Variants in ADAMTS9 observed in about 807,000 individuals in gnomAD.
The protein encoded by ADAMTS9 is ADAM metallopeptidase with thrombospondin type 1 motif 9.
Under a neutral mutation model 257.1 loss-of-function variants are expected in ADAMTS9, and 107 were observed. The ratio of observed to expected loss-of-function variants is 0.42; its 90% CI spans 0.36 to 0.49. The LOEUF is 0.49. ADAMTS9 is among the 20% of genes least tolerant of loss of function. ADAMTS9 has a pLI of 0.03. For missense variants in ADAMTS9, 2,353 were observed against 2,469.1 expected (o/e 0.95, Z 1.00); for synonymous variants, 982 against 880.9 (o/e 1.11, Z -2.03).
intron 16 of ADAMTS9, among the ~76,000 whole-genome samples, chr3:64,626,674 T>C (rs1700229071): frequency 6.6e-6 from 1 of 152,216 alleles, no homozygotes; most frequent in African/African-American, 2.4e-5. Flanking sequence ...CCTGTAGTCC[T>C]ACCCCTTAAA....
At chr3:64,643,445 A>ATTTTTTTTTTTTTTTTTTTTTTTTTTTTT (rs57471985) in intron 11 of ADAMTS9, among the ~76,000 whole-genome samples, 2 of 61,406 alleles carry the variant, frequency 3.3e-5, no homozygotes, top group African/African-American at 7.0e-5. Flanking sequence ...TTACTCAATA[A>ATTTTTTTTTTTTTTTTTTTTTTTTTTTTT]TTTTTTTTTT....
intron 38 of ADAMTS9, among the ~76,000 whole-genome samples, chr3:64,524,115 C>T (rs982492068): frequency 3.3e-5 from 5 of 152,172 alleles, no homozygotes; most frequent in Non-Finnish European, 5.9e-5. Flanking sequence ...CAGGAAATGT[C>T]TTCTCTATTA....
At position 64,604,246 on chromosome 3, in the gene ADAMTS9, C is replaced by T. The variant is rs749055050; in HGVS notation, c.3560G>A (p.Arg1187Gln). The change falls in exon 24 of 40, where the codon CGA becomes CAA. Residue 1187 changes from arginine to glutamine, a missense_variant. Coordinates refer to ENST00000498707, the MANE Select transcript of ADAMTS9 (RefSeq NM_182920.2). Reference protein sequence around the residue: ...STYSAPRTQWRFGSWTPCSAT... With the variant: ...STYSAPRTQWQFGSWTPCSAT... Reference sequence around the variant, plus strand: ...TCTTACTGGGGTCCAAGACCCAAATCGCCACTGGGTTCTTGGTGCACTGTA... The same window carrying T: ...TCTTACTGGGGTCCAAGACCCAAATTGCCACTGGGTTCTTGGTGCACTGTA... 1.3e-5 allele frequency: 21 copies of T among 1,613,212 alleles called. No homozygotes were observed. Among genetic ancestry groups the T allele is most frequent in the African/African-American group, 2.7e-5 (2 of 74,846 alleles).
At chr3:64,631,345 T>C (rs1435192084) in intron 16 of ADAMTS9, 110 bp downstream of exon 16, 2 of 842,240 alleles carry the variant, frequency 2.4e-6, no homozygotes, top group Admixed American at 2.1e-5. Context: ...TTTATGAAAA[T>C]CCATGACATC....
Position 64,686,328 on chromosome 3 carries a change from A to T in ADAMTS9, c.516+240T>A, listed in dbSNP as rs1281278100. On this transcript the variant is annotated intron_variant, in intron 2 of 39. Coordinates refer to ENST00000498707, the MANE Select transcript of ADAMTS9 (RefSeq NM_182920.2). This position sits in a 1 kb window ranked among gnomAD's most constrained non-coding sequence, Gnocchi z 4.6. ...GCAACGCGCCGCTGAACCGAGTCCA[A>T]ACTCCAGAAAGCTCTGAAACATCCA... 1.3e-5 allele frequency among the ~76,000 whole-genome samples: 2 copies of T among 152,250 alleles called. No individual in the cohort carries two copies. Among genetic ancestry groups the T allele is most frequent in the Non-Finnish European group, 2.9e-5 (2 of 68,040 alleles).
At chr3:64,635,050 C>T (rs1700461409) in intron 12 of ADAMTS9, among the ~76,000 whole-genome samples, 1 of 152,028 alleles carries the variant, frequency 6.6e-6, no homozygotes, top group Admixed American at 6.6e-5. Context: ...TAGTAGATGC[C>T]ATAAAATGTT....
At chr3:64,590,337 C>T (rs2084238299) in intron 28 of ADAMTS9, among the ~76,000 whole-genome samples, 2 of 152,060 alleles carry the variant, frequency 1.3e-5, no homozygotes, top group Non-Finnish European at 2.9e-5. Context: ...TAAAATGTAT[C>T]TTTTTAAAAC....
In ADAMTS9 at chr3:64,568,527, G is replaced by A. The variant is rs752736289; in HGVS notation, c.4365C>T (p.Val1455=). The A allele has an allele frequency of 3.7e-6, 6 of 1,613,666 alleles. No individual in the cohort carries two copies. In the Admixed American group the frequency reaches 1.0e-4, roughly 27 times the overall value. Residue 1455 remains valine, a synonymous_variant, in exon 29 of 40, where the codon GTC becomes GTT. Transcript: ENST00000498707. ...WSTGPWSSCS[V]SCGRGHKQRN... is the part of the protein sequence containing the mutation. The stretch of plus-strand genomic sequence containing the variant: ...GTTGTTTATGCCCTCGACCACAAGA[G>A]ACAGAACACTGCAATATAAAGCAAT...
intron 28 of ADAMTS9, chr3:64,568,796 G>C: frequency 2.8e-6 from 1 of 363,512 alleles, no homozygotes; most frequent in Non-Finnish European, 4.9e-6. Flanking sequence ...CTGAGAATTG[G>C]AGCCAAAAAT....
intron 10 of ADAMTS9, 117 bp downstream of exon 10, chr3:64,649,520 T>G (rs1352911826): frequency 1.6e-6 from 2 of 1,231,758 alleles, no homozygotes; most frequent in South Asian, 1.6e-5. Context: ...ATATGCAATT[T>G]TACTCTCAGC....
intron 10 of ADAMTS9, among the ~76,000 whole-genome samples, chr3:64,648,398 A>G (rs1700848744): frequency 6.6e-6 from 1 of 152,140 alleles, no homozygotes; most frequent in African/African-American, 2.4e-5. Context: ...CACTTTTACT[A>G]CAAATGCATA....
intron 22 of ADAMTS9, among the ~76,000 whole-genome samples, chr3:64,611,529 G>A (rs1423858101): frequency 6.6e-6 from 1 of 152,146 alleles, no homozygotes; most frequent in Non-Finnish European, 1.5e-5. Context: ...CAGACTTTTG[G>A]GCACCCAGGA....
At chr3:64,527,996 C>T (rs4688476) in intron 38 of ADAMTS9, among the ~76,000 whole-genome samples, 8,715 of 152,268 alleles carry the variant, frequency 0.057, 1,125 homozygotes, top group Admixed American at 0.29. Context: ...TCTATGGTAA[C>T]ACAACTTTCG....
intron 32 of ADAMTS9, among the ~76,000 whole-genome samples, chr3:64,542,783 G>C (rs892998851): frequency 2.0e-5 from 3 of 152,064 alleles, no homozygotes; most frequent in South Asian, 2.1e-4. Context: ...AACTGAAGGA[G>C]ATAGAGACAC....
intron 11 of ADAMTS9, 82 bp downstream of exon 11, chr3:64,647,858 T>C (rs530479871): frequency 1.6e-6 from 2 of 1,213,468 alleles, no homozygotes; most frequent in African/African-American, 1.5e-5. Context: ...TCTTATATTC[T>C]AAACATCGGT....
chr3:64,550,592 T>A (rs2083258065), intron 31 of ADAMTS9: 1 of 355,776 alleles, frequency 2.8e-6, no homozygotes, highest in African/African-American at 2.1e-5. Flanking sequence ...CCTCACAGCA[T>A]CCTATGAGTT....
intron 19 of ADAMTS9, among the ~76,000 whole-genome samples, chr3:64,617,490 T>C (rs1001176145): frequency 1.3e-5 from 2 of 152,156 alleles, no homozygotes; most frequent in Non-Finnish European, 2.9e-5. Context: ...ACCCCCTGCT[T>C]TGTAGTCTCT....
chr3:64,653,407 G>A (rs1402553761), intron 8 of ADAMTS9, among the ~76,000 whole-genome samples: 1 of 152,164 alleles, frequency 6.6e-6, no homozygotes, highest in South Asian at 2.1e-4. Context: ...AAGAAAAGGG[G>A]TGTGCTCTTA....
intron 26 of ADAMTS9, among the ~76,000 whole-genome samples, chr3:64,599,872 G>GTCAC (rs1223857598): frequency 6.6e-6 from 1 of 152,120 alleles, no homozygotes; most frequent in African/African-American, 2.4e-5. Context: ...ACACACAGCT[G>GTCAC]ATTAGCTGTG....
Sources: gnomAD v4.1 joint callset for allele counts (sites outside exome capture counted in the v4.1 genomes callset) on GRCh38, gnomAD v4.1.1 for gene constraint, Gnocchi (gnomAD v3.1) non-coding constraint, MANE v1.5 for transcripts, NCBI Gene and HGNC (gene_info 2026-07-23, HGNC 2026-07-21) for gene names.